The following DENND4C variants were observed in gnomAD, a reference collection of about 807,000 sequenced individuals.
DENND4C encodes DENN domain containing 4C.
Under a neutral mutation model 203.0 loss-of-function variants are expected in DENND4C, and 108 were observed. The ratio of observed to expected loss-of-function variants is 0.53; its 90% CI spans 0.46 to 0.62. The LOEUF (loss-of-function observed/expected upper bound fraction) is 0.62. Ranked by LOEUF, DENND4C falls within the 20% of genes least tolerant of loss-of-function variation. The pLI is 0.00. For missense variants in DENND4C, 2,481 were observed against 2,301.2 expected, an observed-to-expected ratio of 1.08 and a Z score of -1.60; for synonymous variants, 871 against 792.4, an observed-to-expected ratio of 1.10 and a Z score of -1.67.
intron 12 of DENND4C, among the ~76,000 whole-genome samples, chr9:19,322,234 T>C (rs772688674): frequency 7.2e-5 from 11 of 152,192 alleles, no homozygotes; most frequent in Admixed American, 2.6e-4. Flanking sequence ...ATCTGCCTAG[T>C]TGTGGAACTT....
intron 2 of DENND4C, among the ~76,000 whole-genome samples, chr9:19,283,767 T>C (rs1834632984): frequency 6.6e-6 from 1 of 151,788 alleles, no homozygotes; most frequent in Non-Finnish European, 1.5e-5. Flanking sequence ...GGCTAATTTT[T>C]TATTTTTAGT....
chr9:19,287,963 T>G (rs1835547743), intron 3 of DENND4C, among the ~76,000 whole-genome samples: 1 of 152,214 alleles, frequency 6.6e-6, no homozygotes, highest in East Asian at 1.9e-4. Flanking sequence ...CTTGATCTCT[T>G]GACCTTGTGA....
At position 19,316,982 on chromosome 9, in the gene DENND4C, C is replaced by G. The variant is rs933390065; in HGVS notation, c.1807+143C>G. 6.8e-6 allele frequency: 5 copies of G among 736,162 alleles called. No homozygotes were observed. In the African/African-American group the frequency reaches 7.2e-5, roughly 11 times the overall value. The allele number at this position is 736,162 out of a possible 1,614,324, so 45.6% of individuals were successfully genotyped here. A position where few individuals can be genotyped will look rare whatever the true frequency, so the allele number is the denominator to read the frequency against. ...GAACCTCCATGTATTTGTAACCTAG[C>G]TTTATGACTAGAATTTCTTGTAATT... On this transcript the variant is annotated intron_variant, in intron 12 of 32. Coordinates refer to ENST00000434457, the MANE Select transcript of DENND4C (RefSeq NM_001330640.2).
At chr9:19,301,302 C>T (rs943952767) in intron 9 of DENND4C, among the ~76,000 whole-genome samples, 2 of 152,176 alleles carry the variant, frequency 1.3e-5, no homozygotes, top group African/African-American at 4.8e-5. Flanking sequence ...TTTAAAATAG[C>T]TGACTCTCTT....
At chr9:19,337,991 G>A (rs1021643793) in intron 20 of DENND4C, among the ~76,000 whole-genome samples, 5 of 152,046 alleles carry the variant, frequency 3.3e-5, no homozygotes, top group Non-Finnish European at 7.4e-5. Context: ...CTGTTAAGGT[G>A]GTGTGGCCAT....
intron 10 of DENND4C, among the ~76,000 whole-genome samples, chr9:19,306,458 T>C (rs965238736): frequency 1.3e-5 from 2 of 152,186 alleles, no homozygotes; most frequent in African/African-American, 4.8e-5. Context: ...TACTTACAGC[T>C]TGAAAGTAAT....
rs1054348025 is a variant in DENND4C at position 19,372,890 on chromosome 9, A to T, written c.*717A>T. ...AAAAAAAAAAAAAAAAGAGAGCAAC[A>T]TATTTGTGTAAGTTTGTATATGTGT... is the stretch of plus-strand genomic sequence containing the variant. On this transcript the variant is annotated 3_prime_UTR_variant, in exon 33 of 33. Transcript: ENST00000434457. 1 of 151,218 alleles carries T rather than the reference A, an allele frequency of 6.6e-6. No individual in the cohort carries two copies. The highest frequency in any genetic ancestry group is 1.5e-5 in the Non-Finnish European group (1 of 67,962). 9.4% of individuals were successfully genotyped at this position (151,218 alleles called of 1,614,324 possible).
intron 16 of DENND4C, among the ~76,000 whole-genome samples, chr9:19,328,474 G>T (rs976886263): frequency 6.6e-6 from 1 of 151,934 alleles, no homozygotes; most frequent in Non-Finnish European, 1.5e-5. Flanking sequence ...TTAGCTGGGC[G>T]TGGTGTCAGG....
At chr9:19,273,496 A>G (rs1832207364) in intron 1 of DENND4C, among the ~76,000 whole-genome samples, 1 of 152,074 alleles carries the variant, frequency 6.6e-6, no homozygotes, top group Non-Finnish European at 1.5e-5. Flanking sequence ...GAATAAAAAC[A>G]CAAGCCGCAG....
chr9:19,286,259 G>A (rs1277667150), intron 2 of DENND4C, among the ~76,000 whole-genome samples: 2 of 152,012 alleles, frequency 1.3e-5, no homozygotes, highest in Non-Finnish European at 2.9e-5. Flanking sequence ...ATCTATTTGA[G>A]GGTATTGCCA....
intron 6 of DENND4C, among the ~76,000 whole-genome samples, chr9:19,296,847 A>G (rs572236914): frequency 4.0e-4 from 61 of 152,322 alleles, no homozygotes; most frequent in African/African-American, 1.1e-3. Context: ...ACACCCACCA[A>G]TGCAAGTGGC....
chr9:19,324,196 G>A (rs532473249), intron 12 of DENND4C, among the ~76,000 whole-genome samples, 166 bp from the exon 13 acceptor site: 2 of 151,766 alleles, frequency 1.3e-5, no homozygotes, highest in Non-Finnish European at 2.9e-5. Flanking sequence ...TTGGTCCCAA[G>A]CATTTCAGAT....
intron 24 of DENND4C, among the ~76,000 whole-genome samples, chr9:19,351,771 C>T (rs927559814): frequency 6.7e-6 from 1 of 149,332 alleles, no homozygotes; most frequent in Non-Finnish European, 1.5e-5. Context: ...TGTACCACTG[C>T]ACTCTAGCCT....
chr9:19,356,059 A>G (rs1377509028), intron 26 of DENND4C, among the ~76,000 whole-genome samples: 3 of 152,178 alleles, frequency 2.0e-5, no homozygotes, highest in African/African-American at 4.8e-5. Context: ...GTTGTTATAG[A>G]AAATTTCAAG....
At chr9:19,342,253 A>T (rs888543986) in intron 21 of DENND4C, among the ~76,000 whole-genome samples, 1 of 152,120 alleles carries the variant, frequency 6.6e-6, no homozygotes, top group African/African-American at 2.4e-5. Context: ...ATGGAATAAG[A>T]CACTCTTCCT....
chr9:19,372,700 C>T lies in DENND4C; in HGVS notation c.*527C>T, dbSNP rs866857048. The T allele has an allele frequency of 1.3e-5, 2 of 151,992 alleles. No homozygotes were observed. Among genetic ancestry groups the T allele is most frequent in the African/African-American group, 4.9e-5 (2 of 41,230 alleles). The allele number at this position is 151,992 out of a possible 1,614,324, so 9.4% of individuals were successfully genotyped here. ...ACCAGCCTGGCCAACACGGTGAGAC[C>T]CTGTCTTTACTAAAAATACAAAAAT... On this transcript the variant is annotated 3_prime_UTR_variant, in exon 33 of 33. Transcript: ENST00000434457.
intron 2 of DENND4C, among the ~76,000 whole-genome samples, 190 bp from the exon 3 acceptor site, chr9:19,286,579 T>C (rs1221664059): frequency 6.6e-6 from 1 of 152,204 alleles, no homozygotes; most frequent in Non-Finnish European, 1.5e-5. Context: ...AGACTTGTAG[T>C]TCCCAAAGGA....
intron 24 of DENND4C, among the ~76,000 whole-genome samples, chr9:19,351,830 A>G (rs1032043923): frequency 5.9e-5 from 9 of 152,044 alleles, no homozygotes; most frequent in Non-Finnish European, 1.2e-4. Context: ...GAAAAGAAAA[A>G]AAAATTTCAA....
chr9:19,316,532 A>G lies in DENND4C; in HGVS notation c.1588+15A>G, dbSNP rs1268923454. The G allele has an allele frequency of 3.1e-6, 5 of 1,606,726 alleles. No individual in the cohort carries two copies. The highest frequency in any genetic ancestry group is 4.5e-5 in the East Asian group (2 of 44,828). ...GCTGTCTTCAGGTAATGTGAGGGAA[A>G]AGGAATATTATTAATGAAGGAATGT... On this transcript the variant is annotated intron_variant, in intron 11 of 32. Transcript: ENST00000434457.
Sources: gnomAD v4.1 joint callset for allele counts (sites outside exome capture counted in the v4.1 genomes callset) on GRCh38, gnomAD v4.1.1 for gene constraint, MANE v1.5 for transcripts, NCBI Gene and HGNC (gene_info 2026-07-23, HGNC 2026-07-21) for gene names.